Variants in VPS4A observed in about 807,000 individuals in gnomAD.
VPS4A encodes the protein vacuolar protein sorting 4 homolog A, also known as vacuolar protein sorting-associated protein 4A.
Under a neutral mutation model 52.3 loss-of-function variants are expected in VPS4A, and 20 were observed. The ratio of observed to expected loss-of-function variants is 0.38; its 90% CI spans 0.27 to 0.56. The LOEUF is 0.56. VPS4A is among the 20% of genes least tolerant of loss of function. The pLI is 0.72. For missense variants in VPS4A, 419 were observed against 575.9 expected, an observed-to-expected ratio of 0.73 and a Z score of 2.79; for synonymous variants, 293 against 227.7, an observed-to-expected ratio of 1.29 and a Z score of -2.58.
rs146320851 is a variant in VPS4A, at chr16:69,316,149, C to T, written c.133+30C>T. ...GTCACACGAGGGGTCCTCAGGCTGC[C>T]GCACTCCAGAGGGGAGCGGAGGAGA... On this transcript the variant is annotated intron_variant, in intron 2 of 10. Transcript: ENST00000254950. 8.3e-4 allele frequency: 1,333 copies of T among 1,612,768 alleles called. 2 individuals carry two copies. The highest frequency in any genetic ancestry group is 1.7e-3 in the Admixed American group (99 of 59,990).
rs563506318 is a variant in VPS4A at position 69,320,363 on chromosome 16, G to A, written c.769+74G>A. On this transcript the variant is annotated intron_variant, in intron 7 of 10. Coordinates refer to ENST00000254950, the MANE Select transcript of VPS4A (RefSeq NM_013245.3). The surrounding 1 kb of genome is among the most constrained non-coding windows in gnomAD (Gnocchi z 4.2). ...AACCCTGGGCTTTATTCTGAGCTGC[G>A]GCTGGATTTGGTTGTTCTCAGCCTC... 6.1e-5 allele frequency: 95 copies of A among 1,567,334 alleles called. No homozygotes were observed. In the Admixed American group the frequency reaches 6.5e-4, roughly 11 times the overall value.
At chr16:69,313,094 TCAGCCTCC>T (rs1965397001) in intron 1 of VPS4A, among the ~76,000 whole-genome samples, 1 of 152,030 alleles carries the variant, frequency 6.6e-6, no homozygotes, top group South Asian at 2.1e-4. Context: ...TTCTCCTGCC[TCAGCCTCC>T]CAAGTAGCTG....
rs1965556061 is a variant in VPS4A at position 69,324,354 on chromosome 16, G to A, written c.*45G>A. 2 of 1,571,476 alleles carry A rather than the reference G, an allele frequency of 1.3e-6. No homozygotes were observed. The highest frequency in any genetic ancestry group is 1.8e-5 in the Admixed American group (1 of 57,010). On this transcript the variant is annotated 3_prime_UTR_variant, in exon 11 of 11. Coordinates refer to ENST00000254950, the MANE Select transcript of VPS4A (RefSeq NM_013245.3). ...ATGGTGAAGGTGGGAGGTTGATTGG[G>A]GCAAATCCAGGCACTCCCCATGTCA... is the stretch of plus-strand genomic sequence containing the variant.
At chr16:69,313,506 A>G (rs1397115478) in intron 1 of VPS4A, among the ~76,000 whole-genome samples, 2 of 152,168 alleles carry the variant, frequency 1.3e-5, no homozygotes, top group African/African-American at 4.8e-5. Context: ...GAGTCATACA[A>G]TAGGTGGTCC....
At chr16:69,315,176 A>T (rs137915437) in intron 1 of VPS4A, among the ~76,000 whole-genome samples, 260 of 152,254 alleles carry the variant, frequency 1.7e-3, no homozygotes, top group Middle Eastern at 3.4e-3. Flanking sequence ...TCCGGCCTAG[A>T]TGATAGAGTA....
At position 69,324,571 on chromosome 16, in the gene VPS4A, C is replaced by G. The variant is rs889852964; in HGVS notation, c.*262C>G. ...GCTCATCAGCTCCTTCTGCCTCCCC[C>G]CCTTTTTTTTCCATCTTTTGTTCCC... is the stretch of plus-strand genomic sequence containing the variant. On this transcript the variant is annotated 3_prime_UTR_variant, in exon 11 of 11. Coordinates refer to ENST00000254950, the MANE Select transcript of VPS4A (RefSeq NM_013245.3). 54 of 439,726 alleles carry G rather than the reference C, an allele frequency of 1.2e-4. No homozygotes were observed. In the South Asian group the frequency reaches 1.5e-3, roughly 12 times the overall value. The allele number at this position is 439,726 out of a possible 1,614,324, so 27.2% of individuals were successfully genotyped here.
intron 10 of VPS4A, among the ~76,000 whole-genome samples, chr16:69,323,923 C>A (rs1347962065): frequency 6.9e-5 from 9 of 131,042 alleles, no homozygotes; most frequent in African/African-American, 2.8e-4. Flanking sequence ...GCACTCCAGC[C>A]TGGGTGACAG....
At position 69,320,893 on chromosome 16, in the gene VPS4A, C is replaced by G. The variant is rs1965501780; in HGVS notation, c.851+124C>G. The stretch of plus-strand genomic sequence containing the variant: ...CCCTGGAGTCTTCCCGTCTGCCTGC[C>G]AAGCAGAGCCCTTTGTGAGGCTGGC... On this transcript the variant is annotated intron_variant, in intron 8 of 10. Coordinates refer to ENST00000254950, the MANE Select transcript of VPS4A (RefSeq NM_013245.3). The surrounding 1 kb of genome is among the most constrained non-coding windows in gnomAD (Gnocchi z 4.2). 6.4e-6 allele frequency: 8 copies of G among 1,243,418 alleles called. No individual in the cohort carries two copies. In the South Asian group the frequency reaches 8.5e-5, roughly 13 times the overall value. The allele number at this position is 1,243,418 out of a possible 1,614,324, so 77.0% of individuals were successfully genotyped here. A position where few individuals can be genotyped will look rare whatever the true frequency, so the allele number is the denominator to read the frequency against.
In VPS4A at chr16:69,320,059, G is replaced by C; in HGVS notation, c.621-82G>C. ...CGTGGCCTGCGCCTCCCTGTGGGAA[G>C]GGTGAGAAGAGGGAAGTGCCGGGAG... On this transcript the variant is annotated intron_variant, in intron 6 of 10. Coordinates refer to ENST00000254950, the MANE Select transcript of VPS4A (RefSeq NM_013245.3). The surrounding 1 kb of genome is among the most constrained non-coding windows in gnomAD (Gnocchi z 4.2). The C allele has an allele frequency of 2.7e-6, 4 of 1,500,562 alleles. No individual in the cohort carries two copies. The highest frequency in any genetic ancestry group is 3.6e-6 in the Non-Finnish European group (4 of 1,114,154). 93.0% of individuals were successfully genotyped at this position (1,500,562 alleles called of 1,614,324 possible). A position where few individuals can be genotyped will look rare whatever the true frequency, so the allele number is the denominator to read the frequency against.
At position 69,325,839 on chromosome 16, in the gene VPS4A, G is replaced by A. The variant is rs1260040025; in HGVS notation, c.*1530G>A. 1 of 152,108 alleles carries A rather than the reference G, an allele frequency of 6.6e-6. No individual in the cohort carries two copies. The highest frequency in any genetic ancestry group is 1.9e-4 in the East Asian group (1 of 5,194). 9.4% of individuals were successfully genotyped at this position (152,108 alleles called of 1,614,324 possible). ...TGCGTCCTCATGGGGCAGCCTGTCA[G>A]CGGCCACTAAGTAGAGGCTGCTCTG... On this transcript the variant is annotated 3_prime_UTR_variant, in exon 11 of 11. Transcript: ENST00000254950.
At chr16:69,315,811 A>T (rs1285469120) in intron 1 of VPS4A, among the ~76,000 whole-genome samples, 197 bp from the exon 2 acceptor site, 1 of 152,152 alleles carries the variant, frequency 6.6e-6, no homozygotes, top group Non-Finnish European at 1.5e-5. Context: ...TATTGTGAAG[A>T]TGGCCGGCTG....
chr16:69,322,819 C>T (rs1965530713), intron 10 of VPS4A, 119 bp downstream of exon 10: 1 of 1,356,098 alleles, frequency 7.4e-7, no homozygotes, highest in Non-Finnish European at 9.9e-7. Context: ...CCTGTAATCC[C>T]AGCACTTTGG....
chr16:69,311,434 C>T lies in VPS4A; in HGVS notation c.-78C>T. On this transcript the variant is annotated 5_prime_UTR_variant, in exon 1 of 11. Transcript: ENST00000254950. The stretch of plus-strand genomic sequence containing the variant: ...CCACCGCCGGGCTTCCCGCGCCGGA[C>T]CCAGTACCTCGGCTCCCCGGGGCCG... 1.6e-6 allele frequency: 2 copies of T among 1,227,202 alleles called. No homozygotes were observed. Among genetic ancestry groups the T allele is most frequent in the Non-Finnish European group, 1.0e-6 (1 of 973,818 alleles). 76.0% of individuals were successfully genotyped at this position (1,227,202 alleles called of 1,614,324 possible).
chr16:69,319,029 G>C, intron 5 of VPS4A, 87 bp downstream of exon 5: 2 of 1,550,646 alleles, frequency 1.3e-6, no homozygotes, highest in Non-Finnish European at 1.7e-6. Context: ...AGTCAGTGGC[G>C]ACTCAGCCCC....
intron 4 of VPS4A, 54 bp downstream of exon 4, chr16:69,318,765 C>T (rs1965470492): frequency 1.2e-6 from 2 of 1,613,146 alleles, no homozygotes; most frequent in Non-Finnish European, 1.7e-6. Flanking sequence ...GGGTCCGCTG[C>T]TGGGTTGGCT....
intron 1 of VPS4A, 24 bp downstream of exon 1, chr16:69,311,556 C>T (rs1030389496): frequency 1.5e-6 from 2 of 1,301,324 alleles, no homozygotes; most frequent in Middle Eastern, 4.1e-4. Context: ...CCCGGCCCGA[C>T]TTCGGAGGCC....
At chr16:69,318,779 G>A in intron 4 of VPS4A, 44 bp from the exon 5 acceptor site, 7 of 1,612,316 alleles carry the variant, frequency 4.3e-6, no homozygotes, top group Non-Finnish European at 5.9e-6. Context: ...GTTGGCTCAT[G>A]CCCCTTGGCC....
At chr16:69,311,575 C>T in intron 1 of VPS4A, 43 bp downstream of exon 1, 4 of 1,262,294 alleles carry the variant, frequency 3.2e-6, no homozygotes, top group South Asian at 5.9e-5. Flanking sequence ...CCGAAGGCAG[C>T]GGGGCCTGCG....
At chr16:69,317,555 A>C (rs1469483699) in intron 3 of VPS4A, among the ~76,000 whole-genome samples, 1 of 152,190 alleles carries the variant, frequency 6.6e-6, no homozygotes, top group Non-Finnish European at 1.5e-5. Flanking sequence ...GCACTTTGGG[A>C]AGCCGAGGCG....
Sources: gnomAD v4.1 joint callset for allele counts (sites outside exome capture counted in the v4.1 genomes callset) on GRCh38, gnomAD v4.1.1 for gene constraint, Gnocchi (gnomAD v3.1) non-coding constraint, MANE v1.5 for transcripts, NCBI Gene and HGNC (gene_info 2026-07-23, HGNC 2026-07-21) for gene names.